Variants in SPIDR observed in about 807,000 individuals in gnomAD.
SPIDR encodes DNA repair-scaffolding protein.
Under a neutral mutation model 104.6 loss-of-function variants are expected in SPIDR, and 93 were observed. The observed-to-expected ratio is 0.89, with a 90% CI of 0.75 to 1.06. SPIDR has a LOEUF of 1.06. Ranked by LOEUF, SPIDR falls within the 50% of genes least tolerant of loss-of-function variation. The pLI is 0.00. For synonymous variants in SPIDR, 431 were observed against 416.9 expected, an observed-to-expected ratio of 1.03 and a Z score of -0.41; for missense variants, 1,154 against 1,111.2, an observed-to-expected ratio of 1.04 and a Z score of -0.55.
At chr8:47,283,969 A>G in intron 2 of SPIDR, 59 bp from the exon 3 acceptor site, 8 of 1,333,796 alleles carry the variant, frequency 6.0e-6, no homozygotes, top group Non-Finnish European at 8.4e-6. Flanking sequence ...TGAATATTTT[A>G]TAAAAGTTTT....
Position 47,423,213 on chromosome 8 carries a change from G to C in SPIDR, c.877+15252G>C, listed in dbSNP as rs955806229. On this transcript the variant is annotated intron_variant, in intron 7 of 19. Coordinates refer to ENST00000297423, the MANE Select transcript of SPIDR (RefSeq NM_001080394.4). ...CTCGGGAGGCTGTTACAGGAGAATC[G>C]CTTGAACTGGGAGGTGGAAGTTTCA... Among the ~76,000 whole-genome samples the C allele has an allele frequency of 4.0e-5, 6 of 151,484 alleles. No homozygotes were observed. In the East Asian group the frequency reaches 5.8e-4, roughly 15 times the overall value.
intron 2 of SPIDR, among the ~76,000 whole-genome samples, chr8:47,280,479 G>A (rs902535825): frequency 3.3e-5 from 5 of 150,100 alleles, no homozygotes; most frequent in Admixed American, 1.3e-4. Flanking sequence ...TGCAACCTCC[G>A]CCTCCCGGGT....
At chr8:47,472,946 C>A (rs1369792422) in intron 8 of SPIDR, among the ~76,000 whole-genome samples, 1 of 152,134 alleles carries the variant, frequency 6.6e-6, no homozygotes, top group African/African-American at 2.4e-5. Flanking sequence ...AAAATCTTTC[C>A]TTTCTGGCCG....
chr8:47,386,133 T>C (rs2059879591), intron 5 of SPIDR, among the ~76,000 whole-genome samples: 1 of 152,056 alleles, frequency 6.6e-6, no homozygotes, highest in Non-Finnish European at 1.5e-5. Context: ...TATTTTTATA[T>C]GCAATCTTAT....
intron 10 of SPIDR, among the ~76,000 whole-genome samples, chr8:47,624,024 A>G (rs1588508894): frequency 6.6e-6 from 1 of 152,266 alleles, no homozygotes; most frequent in Middle Eastern, 3.4e-3. Flanking sequence ...AACAGAAATT[A>G]TAACAAACTG....
intron 6 of SPIDR, among the ~76,000 whole-genome samples, chr8:47,401,712 C>T (rs1269429546): frequency 6.6e-6 from 1 of 152,000 alleles, no homozygotes; most frequent in African/African-American, 2.4e-5. Flanking sequence ...GACTTTAAGC[C>T]AACAAAGATC....
chr8:47,279,882 A>G lies in SPIDR; in HGVS notation c.54A>G (p.Thr18=). 6.2e-7 allele frequency: 1 copy of G among 1,612,836 alleles called. No individual in the cohort carries two copies. The highest frequency in any genetic ancestry group is 8.5e-7 in the Non-Finnish European group (1 of 1,179,400). The change falls in exon 2 of 20, where the codon ACA becomes ACG. Residue 18 remains threonine (T), a synonymous_variant. Coordinates refer to ENST00000297423, the MANE Select transcript of SPIDR (RefSeq NM_001080394.4). ...CACAGAGAAAAAGGAGTTGGAATAC[A>G]GAATGCCCATCCTTTCCAGGAGAAA... ...RGSKRKRSWN[T]ECPSFPGERP...
intron 8 of SPIDR, among the ~76,000 whole-genome samples, chr8:47,592,804 C>T (rs937933640): frequency 1.3e-5 from 2 of 152,102 alleles, no homozygotes; most frequent in East Asian, 1.9e-4. Flanking sequence ...GTAGGAAAGC[C>T]TCTTGTATGT....
intron 8 of SPIDR, among the ~76,000 whole-genome samples, chr8:47,581,658 C>T (rs573451208): frequency 6.6e-6 from 1 of 152,196 alleles, no homozygotes; most frequent in East Asian, 1.9e-4. Flanking sequence ...CCCAAGCATG[C>T]CTTCCATGAA....
intron 11 of SPIDR, among the ~76,000 whole-genome samples, chr8:47,675,363 CTT>C (rs2076292613): frequency 6.6e-6 from 1 of 152,120 alleles, no homozygotes; most frequent in African/African-American, 2.4e-5. Flanking sequence ...AATACTTCCT[CTT>C]GTTTGTAAAC....
intron 5 of SPIDR, among the ~76,000 whole-genome samples, chr8:47,315,722 A>G (rs1302245271): frequency 6.6e-6 from 1 of 152,198 alleles, no homozygotes; most frequent in Non-Finnish European, 1.5e-5. Flanking sequence ...GATAACTGAT[A>G]AATTATTTTT....
intron 8 of SPIDR, among the ~76,000 whole-genome samples, chr8:47,493,759 A>C (rs1369377152): frequency 6.6e-6 from 1 of 152,190 alleles, no homozygotes; most frequent in Non-Finnish European, 1.5e-5. Flanking sequence ...TTTTGCATCC[A>C]GGAGTTGATA....
At position 47,261,982 on chromosome 8, in the gene SPIDR, G is replaced by A. The variant is rs1231786771; in HGVS notation, c.33+991G>A. On this transcript the variant is annotated intron_variant, in intron 1 of 19. Coordinates refer to ENST00000297423, the MANE Select transcript of SPIDR (RefSeq NM_001080394.4). ...GGAGCGTTTGACACATTCACCACCT[G>A]CTTTTATTTCTTTTGGAACATCCAT... is the stretch of plus-strand genomic sequence containing the variant. Among the ~76,000 whole-genome samples, 3 of 152,174 alleles carry A rather than the reference G, an allele frequency of 2.0e-5. No individual in the cohort carries two copies. The East Asian group carries it at 5.8e-4, about 29-fold the overall frequency.
chr8:47,483,663 A>C (rs1388057393), intron 8 of SPIDR, among the ~76,000 whole-genome samples: 2 of 152,206 alleles, frequency 1.3e-5, no homozygotes, highest in Non-Finnish European at 2.9e-5. Context: ...GATTCTGTGA[A>C]GGTTAATGTA....
chr8:47,660,145 C>T (rs1443348061), intron 10 of SPIDR, among the ~76,000 whole-genome samples: 1 of 152,162 alleles, frequency 6.6e-6, no homozygotes, highest in Non-Finnish European at 1.5e-5. Context: ...CACAACTTCC[C>T]CTACAAAATT....
intron 8 of SPIDR, among the ~76,000 whole-genome samples, chr8:47,549,092 A>C (rs376407663): frequency 6.6e-6 from 1 of 152,334 alleles, no homozygotes; most frequent in South Asian, 2.1e-4. Context: ...CTAACAAAGG[A>C]CATGAACTCA....
At chr8:47,575,756 T>G (rs1388089689) in intron 8 of SPIDR, among the ~76,000 whole-genome samples, 1 of 151,728 alleles carries the variant, frequency 6.6e-6, no homozygotes, top group Non-Finnish European at 1.5e-5. Context: ...GGTCAGGAGT[T>G]CGAGACCAGC....
At chr8:47,644,581 A>G (rs2069916792) in intron 10 of SPIDR, among the ~76,000 whole-genome samples, 1 of 152,250 alleles carries the variant, frequency 6.6e-6, no homozygotes. Flanking sequence ...GTAACCTTGG[A>G]CAAATTACCT....
chr8:47,616,529 G>T (rs2064337012), intron 10 of SPIDR, among the ~76,000 whole-genome samples: 1 of 152,202 alleles, frequency 6.6e-6, no homozygotes, highest in African/African-American at 2.4e-5. Flanking sequence ...ATTGCTTTGA[G>T]TCATCAGGAT....
Sources: gnomAD v4.1 joint callset for allele counts (sites outside exome capture counted in the v4.1 genomes callset) on GRCh38, gnomAD v4.1.1 for gene constraint, MANE v1.5 for transcripts, NCBI Gene and HGNC (gene_info 2026-07-23, HGNC 2026-07-21) for gene names.